MAOA: variants seen among roughly 807,000 people sequenced by gnomAD.
MAOA encodes the protein amine oxidase [flavin-containing] A.
A neutral mutation model predicts 42.0 loss-of-function variants in MAOA; 6 were observed. The observed-to-expected ratio is 0.14, with a 90% confidence interval of 0.08 to 0.28. MAOA has a LOEUF of 0.28. MAOA is among the 10% of genes least tolerant of loss of function. The pLI is 1.00. For synonymous variants in MAOA, 140 were observed against 154.0 expected (o/e 0.91, Z 0.67); for missense variants, 262 against 422.3 (o/e 0.62, Z 3.33).
intron 1 of MAOA, among the ~76,000 whole-genome samples, chrX:43,666,918 T>C (rs970971075): frequency 1.9e-5 from 2 of 105,446 alleles, no homozygotes; most frequent in Non-Finnish European, 3.8e-5. Context: ...GCTTTTGTTC[T>C]CACTCATAGG....
At chrX:43,718,433 T>TG (rs1373925870) in intron 5 of MAOA, among the ~76,000 whole-genome samples, 3 of 52,547 alleles carry the variant, frequency 5.7e-5, no homozygotes, top group East Asian at 6.3e-4. Flanking sequence ...GGATTAGTGT[T>TG]GGGGGGGTTA....
chrX:43,681,219 T>C (rs2033439572), intron 1 of MAOA, among the ~76,000 whole-genome samples: 1 of 111,390 alleles, frequency 9.0e-6, no homozygotes, highest in South Asian at 3.8e-4. Flanking sequence ...GTGTTGGGAG[T>C]GTTCATTGCT....
chrX:43,683,103 C>T (rs1200973428), intron 1 of MAOA, among the ~76,000 whole-genome samples: 1 of 111,582 alleles, frequency 9.0e-6, no homozygotes, highest in East Asian at 2.8e-4. Flanking sequence ...CATAGCTATA[C>T]TGAGACCTGG....
chrX:43,688,134 C>T (rs142129928), intron 2 of MAOA, among the ~76,000 whole-genome samples: 1,129 of 112,735 alleles, frequency 0.01, 16 homozygotes, highest in African/African-American at 0.033. Flanking sequence ...TGAGGCTTTA[C>T]GTGACCTGCT....
At chrX:43,727,155 G>A (rs778192574) in intron 5 of MAOA, among the ~76,000 whole-genome samples, 11 of 111,866 alleles carry the variant, frequency 9.8e-5, no homozygotes, top group Non-Finnish European at 1.7e-4. Context: ...ACGGGGGTCG[G>A]GGCCCACTTG....
In MAOA at chrX:43,711,896, G is replaced by A. The variant is rs755919316; in HGVS notation, c.331G>A (p.Ala111Thr). The A allele has an allele frequency of 5.8e-6, 7 of 1,205,845 alleles. No homozygotes were observed. The highest frequency in any genetic ancestry group is 3.5e-5 in the South Asian group (2 of 56,824). Residue 111 changes from alanine (A) to threonine (T), a missense_variant, in exon 4 of 15, where the codon GCC becomes ACC. Around this residue, in one of 3 missense-constraint regions of MAOA, gnomAD observed 141 missense variants for 195.6 expected, o/e 0.72. Coordinates refer to ENST00000338702, the MANE Select transcript of MAOA (RefSeq NM_000240.4). ...GGGGAAAACATATCCATTTCGGGGC[G>A]CCTTTCCACCAGTATGGAATCCCAT... The part of the protein sequence containing the change: ...VKGKTYPFRG[A>T]FPPVWNPIAY...
chrX:43,694,774 G>T (rs747495471), intron 3 of MAOA, among the ~76,000 whole-genome samples: 22 of 111,729 alleles, frequency 2.0e-4, no homozygotes, highest in African/African-American at 7.2e-4. Flanking sequence ...AATATAGGGA[G>T]AGAGACCAAA....
At chrX:43,742,902 G>GTT (rs201491006) in intron 12 of MAOA, among the ~76,000 whole-genome samples, 43 of 107,784 alleles carry the variant, frequency 4.0e-4, no homozygotes, top group African/African-American at 1.1e-3. Flanking sequence ...TTTTTAGTCT[G>GTT]TTTTTTTTTC....
chrX:43,697,523 T>G (rs908083330), intron 3 of MAOA, among the ~76,000 whole-genome samples: 1 of 112,421 alleles, frequency 8.9e-6, no homozygotes, highest in Non-Finnish European at 1.9e-5. Flanking sequence ...GTACTTATTT[T>G]CAAATAGCTA....
chrX:43,683,732 G>T (rs1278235631), intron 2 of MAOA, 125 bp downstream of exon 2: 5 of 518,775 alleles, frequency 9.6e-6, no homozygotes, highest in Non-Finnish European at 1.7e-5. Flanking sequence ...GTCCTCCATA[G>T]CCCTAAAGTA....
In MAOA at chrX:43,690,121, T is replaced by C. The variant is rs865958377; in HGVS notation, c.169-3170T>C. On this transcript the variant is annotated intron_variant, in intron 2 of 14. Transcript: ENST00000338702. ...TTTATCATTCTTTGGACCTGTTGGG[T>C]TTCTTATCTTCCAACAATGCTGGTA... Among the ~76,000 whole-genome samples the C allele has an allele frequency of 7.3e-5, 8 of 110,118 alleles. No homozygotes were observed. In the South Asian group the frequency reaches 1.2e-3, roughly 16 times the overall value.
At chrX:43,734,086 C>A (rs931946135) in intron 9 of MAOA, among the ~76,000 whole-genome samples, 3 of 108,620 alleles carry the variant, frequency 2.8e-5, no homozygotes, top group African/African-American at 6.7e-5. Flanking sequence ...ATTTTTCTTG[C>A]CCTGGGAGTT....
intron 1 of MAOA, among the ~76,000 whole-genome samples, chrX:43,658,816 G>A (rs1341747460): frequency 2.7e-5 from 3 of 111,815 alleles, no homozygotes; most frequent in Non-Finnish European, 5.6e-5. Context: ...TGCAAGTGTG[G>A]CTCGTGTTAG....
chrX:43,730,188 C>A (rs2033869436), intron 6 of MAOA, among the ~76,000 whole-genome samples: 1 of 99,082 alleles, frequency 1.0e-5, no homozygotes, highest in African/African-American at 3.7e-5. Flanking sequence ...GAGTGAAACT[C>A]CGTCTCAAAA....
intron 5 of MAOA, 109 bp from the exon 6 acceptor site, chrX:43,728,064 A>G (rs1414198649): frequency 7.7e-6 from 6 of 777,755 alleles, no homozygotes; most frequent in Non-Finnish European, 9.9e-6. Flanking sequence ...GTTTTTTTCA[A>G]TTGCAACAGA....
intron 1 of MAOA, among the ~76,000 whole-genome samples, chrX:43,659,450 C>T (rs1020574131): frequency 5.4e-5 from 6 of 111,459 alleles, no homozygotes; most frequent in African/African-American, 1.3e-4. Flanking sequence ...ATTTTTATCC[C>T]ATACTGATTG....
At chrX:43,713,590 G>T (rs1430147158) in intron 5 of MAOA, among the ~76,000 whole-genome samples, 2 of 111,898 alleles carry the variant, frequency 1.8e-5, no homozygotes, top group African/African-American at 6.5e-5. Context: ...TTTATGTGGG[G>T]CTTACTATGT....
At chrX:43,666,478 C>T (rs1280233024) in intron 1 of MAOA, among the ~76,000 whole-genome samples, 1 of 110,971 alleles carries the variant, frequency 9.0e-6, no homozygotes, top group African/African-American at 3.3e-5. Flanking sequence ...CGGCTTCCCA[C>T]AACAACTGCA....
At chrX:43,706,369 C>T (rs1419983329) in intron 3 of MAOA, among the ~76,000 whole-genome samples, 1 of 111,989 alleles carries the variant, frequency 8.9e-6, no homozygotes, top group Non-Finnish European at 1.9e-5. Flanking sequence ...TGTCAATTAT[C>T]TTTAATTACA....
Sources: gnomAD v4.1 joint callset for allele counts (sites outside exome capture counted in the v4.1 genomes callset) on GRCh38, gnomAD v4.1.1 for gene constraint, gnomAD v4.1.1 regional missense constraint, MANE v1.5 for transcripts, NCBI Gene and HGNC (gene_info 2026-07-23, HGNC 2026-07-21) for gene names.